PARD3: variants seen among roughly 807,000 people sequenced by gnomAD.
PARD3 encodes the protein partitioning defective 3 homolog.
In PARD3, 75 loss-of-function variants were observed where a neutral mutation model predicts 155.4. The ratio of observed to expected loss-of-function variants is 0.48; its 90% CI spans 0.40 to 0.58. The LOEUF is 0.58. Ranked by LOEUF, PARD3 falls within the 20% of genes least tolerant of loss-of-function variation. PARD3 has a pLI of 0.00. For missense variants in PARD3, 1,642 were observed against 1,721.7 expected (o/e 0.95, Z 0.82); for synonymous variants, 576 against 610.5 (o/e 0.94, Z 0.83).
chr10:34,277,265 G>A (rs1955932088), intron 21 of PARD3, among the ~76,000 whole-genome samples: 1 of 152,118 alleles, frequency 6.6e-6, no homozygotes, highest in African/African-American at 2.4e-5. Flanking sequence ...AGTCCACCAT[G>A]GAAGGCTTTA....
In PARD3 at chr10:34,284,212, C is replaced by T. The variant is rs1444288478; in HGVS notation, c.3099G>A (p.Glu1033=). Residue 1033 remains glutamate (E), a synonymous_variant, in exon 21 of 25, where the codon GAG becomes GAA. Coordinates refer to ENST00000374788, the MANE Select transcript of PARD3 (RefSeq NM_001184785.2). ...CCTGTATTTTTATTTTACCCGTTTT[C>T]TCAATCTTGTCATCTTTTCGATGTT... ...FGKHRKDDKI[E]KTGKIKIQES... The T allele has an allele frequency of 2.5e-6, 4 of 1,609,856 alleles. No homozygotes were observed. The highest frequency in any genetic ancestry group is 3.4e-6 in the Non-Finnish European group (4 of 1,178,108).
intron 2 of PARD3, among the ~76,000 whole-genome samples, chr10:34,673,206 C>A (rs1437923537): frequency 6.6e-6 from 1 of 152,122 alleles, no homozygotes; most frequent in Non-Finnish European, 1.5e-5. Flanking sequence ...CTAAGGAGAA[C>A]CTGCTTCAAT....
In PARD3 at chr10:34,337,314, A is replaced by C; in HGVS notation, c.2521T>G (p.Phe841Val). 6.2e-7 allele frequency: 1 copy of C among 1,601,756 alleles called. No homozygotes were observed. The highest frequency in any genetic ancestry group is 8.5e-7 in the Non-Finnish European group (1 of 1,174,438). ...KQFSDASQLD[F>V]VKTRKSKSMD... ...CTTTTTGATTTTCGTGTTTTAACGA[A>C]ATCCAATTGACTGGCATCTGAAAAT... Residue 841 changes from phenylalanine to valine, a missense_variant, in exon 17 of 25, where the codon TTC (phenylalanine) becomes GTC (valine). This residue lies in a region of PARD3 where 1,529 missense variants were observed against 1,587.3 expected (regional missense o/e 0.96). Coordinates refer to ENST00000374788, the MANE Select transcript of PARD3 (RefSeq NM_001184785.2).
chr10:34,442,437 T>C (rs1266608642), intron 5 of PARD3, among the ~76,000 whole-genome samples: 1 of 152,196 alleles, frequency 6.6e-6, no homozygotes, highest in Non-Finnish European at 1.5e-5. Context: ...CCACCTCCTA[T>C]TGTAATTAAG....
intron 15 of PARD3, among the ~76,000 whole-genome samples, chr10:34,342,103 T>C (rs1836891636): frequency 6.6e-6 from 1 of 152,172 alleles, no homozygotes; most frequent in Non-Finnish European, 1.5e-5. Context: ...TCAAATGTCT[T>C]ATAATGTGAA....
At chr10:34,369,894 T>C (rs986389481) in intron 12 of PARD3, among the ~76,000 whole-genome samples, 2 of 152,032 alleles carry the variant, frequency 1.3e-5, no homozygotes, top group African/African-American at 4.8e-5. Flanking sequence ...TAAGAAACAC[T>C]AATAAAAAGA....
At chr10:34,186,959 T>A (rs1950518620) in intron 22 of PARD3, among the ~76,000 whole-genome samples, 1 of 152,122 alleles carries the variant, frequency 6.6e-6, no homozygotes, top group Non-Finnish European at 1.5e-5. Flanking sequence ...TCCTCAAAAA[T>A]CCCAAGTCAA....
chr10:34,711,290 C>T (rs553972738), intron 1 of PARD3, among the ~76,000 whole-genome samples: 11 of 152,286 alleles, frequency 7.2e-5, no homozygotes, highest in Non-Finnish European at 1.0e-4. Flanking sequence ...GAGGCCAAGA[C>T]GGGTGGATCA....
intron 7 of PARD3, among the ~76,000 whole-genome samples, chr10:34,397,638 C>T (rs1049923456): frequency 5.9e-5 from 9 of 152,292 alleles, no homozygotes; most frequent in Non-Finnish European, 7.4e-5. Context: ...GTTTATTTTT[C>T]CATCTTACTC....
intron 21 of PARD3, among the ~76,000 whole-genome samples, chr10:34,271,678 G>C (rs1300997325): frequency 1.3e-5 from 2 of 152,160 alleles, no homozygotes; most frequent in African/African-American, 4.8e-5. Flanking sequence ...CATAGTGTTG[G>C]AAGTTCTAGG....
chr10:34,529,560 A>G (rs188845244), intron 2 of PARD3, among the ~76,000 whole-genome samples: 46 of 152,284 alleles, frequency 3.0e-4, no homozygotes, highest in African/African-American at 1.0e-3. Flanking sequence ...CTTTTGACTC[A>G]CCAAAAACTT....
rs190171255 is a variant in PARD3, at chr10:34,427,147, C to T, written c.714+23170G>A. The stretch of plus-strand genomic sequence containing the variant: ...GTTTGAACAATATGAAATCTGGGCA[C>T]CTTAAGAACAGGATAACAGCGATTT... On this transcript the variant is annotated intron_variant, in intron 5 of 24. Coordinates refer to ENST00000374788, the MANE Select transcript of PARD3 (RefSeq NM_001184785.2). Among the ~76,000 whole-genome samples the T allele has an allele frequency of 2.3e-3, 343 of 152,188 alleles. 1 individual carries two copies. The highest frequency in any genetic ancestry group is 7.7e-3 in the African/African-American group (321 of 41,528).
intron 15 of PARD3, chr10:34,344,563 T>C: frequency 1.0e-6 from 1 of 983,426 alleles, no homozygotes; most frequent in East Asian, 1.1e-4. Context: ...ATTACAGGCA[T>C]AAGCCACTGT....
chr10:34,425,254 A>T (rs368007694), intron 5 of PARD3, among the ~76,000 whole-genome samples: 1 of 152,122 alleles, frequency 6.6e-6, no homozygotes, highest in African/African-American at 2.4e-5. Flanking sequence ...TTTGGAAGCA[A>T]TGTGACACTC....
At chr10:34,577,563 T>C (rs1315008502) in intron 2 of PARD3, among the ~76,000 whole-genome samples, 2 of 152,210 alleles carry the variant, frequency 1.3e-5, no homozygotes, top group Non-Finnish European at 2.9e-5. Context: ...TGAATGAGAA[T>C]CGATAATGTG....
At position 34,645,275 on chromosome 10, in the gene PARD3, G is replaced by A. The variant is rs1435526433; in HGVS notation, c.222+51043C>T. ...GACTGGAGTGCAGTGATATGATCTC[G>A]GCTCACTGTAACCTCTACCTCCCAG... On this transcript the variant is annotated intron_variant, in intron 2 of 24. Coordinates refer to ENST00000374788, the MANE Select transcript of PARD3 (RefSeq NM_001184785.2). Among the ~76,000 whole-genome samples, 10 of 150,970 alleles carry A rather than the reference G, an allele frequency of 6.6e-5. No homozygotes were observed. The South Asian group carries it at 8.4e-4, about 13-fold the overall frequency.
intron 22 of PARD3, among the ~76,000 whole-genome samples, chr10:34,146,562 A>T (rs1031563659): frequency 1.3e-5 from 2 of 152,152 alleles, no homozygotes; most frequent in African/African-American, 4.8e-5. Context: ...CTATACTCAA[A>T]CTAGTTTTCC....
At chr10:34,499,301 A>G (rs999265395) in intron 3 of PARD3, among the ~76,000 whole-genome samples, 23 of 152,218 alleles carry the variant, frequency 1.5e-4, no homozygotes, top group Non-Finnish European at 5.9e-5. Context: ...ATAAATTAAA[A>G]ACCAAATAGT....
rs745637071 is a variant in PARD3, at chr10:34,447,480, C to CAAAAAAAAAAAAAAAAAAAAA, written c.714+2816_714+2836dup. Among the ~76,000 whole-genome samples, 16 of 37,212 alleles carry CAAAAAAAAAAAAAAAAAAAAA rather than the reference C, an allele frequency of 4.3e-4. 1 individual carries two copies. Among genetic ancestry groups the CAAAAAAAAAAAAAAAAAAAAA allele is most frequent in the South Asian group, 1.3e-3 (1 of 746 alleles). 24.4% of individuals were successfully genotyped at this position (37,212 alleles called of 152,430 possible). ...TGGGCAACAGAGCAAGACTGCGTCT[C>CAAAAAAAAAAAAAAAAAAAAA]AAAAAAAAAAAAAAAAAAAAAAAAA... On this transcript the variant is annotated intron_variant, in intron 5 of 24. Transcript: ENST00000374788.
Sources: gnomAD v4.1 joint callset for allele counts (sites outside exome capture counted in the v4.1 genomes callset) on GRCh38, gnomAD v4.1.1 for gene constraint, gnomAD v4.1.1 regional missense constraint, MANE v1.5 for transcripts, NCBI Gene and HGNC (gene_info 2026-07-23, HGNC 2026-07-21) for gene names.